PCCA: variants seen among roughly 807,000 people sequenced by gnomAD.
PCCA encodes the protein propionyl-CoA carboxylase alpha chain, mitochondrial.
A neutral mutation model predicts 101.3 loss-of-function variants in PCCA; 74 were observed. The observed-to-expected ratio is 0.73, with a 90% confidence interval of 0.61 to 0.89. The LOEUF is 0.89. PCCA is among the 40% of genes least tolerant of loss of function. The pLI, the probability that PCCA is intolerant of heterozygous loss-of-function variation, is 0.00. For synonymous variants in PCCA, 294 were observed against 313.6 expected (o/e 0.94, Z 0.66); for missense variants, 891 against 907.0 (o/e 0.98, Z 0.23).
chr13:100,203,341 G>T (rs1309649087), intron 6 of PCCA, among the ~76,000 whole-genome samples: 1 of 151,548 alleles, frequency 6.6e-6, no homozygotes, highest in Non-Finnish European at 1.5e-5. Flanking sequence ...TTTCTCCTGT[G>T]CTTTCCTGCC....
chr13:100,257,782 C>T, intron 9 of PCCA, 109 bp downstream of exon 9: 2 of 764,054 alleles, frequency 2.6e-6, no homozygotes, highest in Non-Finnish European at 4.6e-6. Context: ...TTACAGTAAC[C>T]ATCTAATTTT....
intron 8 of PCCA, among the ~76,000 whole-genome samples, chr13:100,252,424 C>T (rs1250766201): frequency 6.6e-6 from 1 of 152,060 alleles, no homozygotes; most frequent in African/African-American, 2.4e-5. Context: ...TTTCTTTTCC[C>T]TTCTTTTTAT....
intron 6 of PCCA, among the ~76,000 whole-genome samples, chr13:100,203,203 G>A (rs1436272812): frequency 2.0e-5 from 3 of 151,082 alleles, no homozygotes; most frequent in East Asian, 2.0e-4. Flanking sequence ...GAACCTGGGA[G>A]GTGGAGGTTG....
chr13:100,191,195 G>A (rs1416271575), intron 6 of PCCA, among the ~76,000 whole-genome samples: 1 of 152,234 alleles, frequency 6.6e-6, no homozygotes, highest in Non-Finnish European at 1.5e-5. Context: ...CAATGATAAA[G>A]TCAGTAAACT....
intron 19 of PCCA, among the ~76,000 whole-genome samples, chr13:100,402,534 A>G (rs1428363158): frequency 1.3e-5 from 2 of 152,220 alleles, no homozygotes; most frequent in Non-Finnish European, 2.9e-5. Context: ...TGAGTTCTTC[A>G]TGAGGGCCAT....
intron 4 of PCCA, among the ~76,000 whole-genome samples, chr13:100,116,147 A>T (rs1228107294): frequency 6.6e-6 from 1 of 152,210 alleles, no homozygotes; most frequent in African/African-American, 2.4e-5. Flanking sequence ...TCAGCTTTAT[A>T]ATATCAGTAA....
intron 21 of PCCA, among the ~76,000 whole-genome samples, chr13:100,450,484 A>T (rs1444959980): frequency 6.6e-6 from 1 of 152,154 alleles, no homozygotes; most frequent in Non-Finnish European, 1.5e-5. Context: ...TTCACCAGAT[A>T]TCATTTCTAA....
chr13:100,309,383 C>T (rs758823792), intron 15 of PCCA, among the ~76,000 whole-genome samples: 20 of 151,988 alleles, frequency 1.3e-4, no homozygotes, highest in East Asian at 3.9e-4. Context: ...GGCAATAGAG[C>T]GAGACTCCAT....
At chr13:100,257,547 C>A in intron 8 of PCCA, 48 bp from the exon 9 acceptor site, 1 of 1,248,276 alleles carries the variant, frequency 8.0e-7, no homozygotes, top group Non-Finnish European at 1.2e-6. Flanking sequence ...GTTCATACAT[C>A]CCAATGATCA....
At chr13:100,162,096 G>A (rs1049314860) in intron 6 of PCCA, among the ~76,000 whole-genome samples, 8 of 151,704 alleles carry the variant, frequency 5.3e-5, no homozygotes, top group African/African-American at 7.3e-5. Flanking sequence ...GTGTGTGTGT[G>A]TGTGTGTGTG....
intron 8 of PCCA, among the ~76,000 whole-genome samples, chr13:100,246,687 A>G (rs2152539573): frequency 6.6e-6 from 1 of 152,174 alleles, no homozygotes; most frequent in Admixed American, 6.5e-5. Context: ...TTGATTTCTA[A>G]CTTAATTGCT....
At chr13:100,103,067 T>G (rs1409324341) in intron 2 of PCCA, 107 bp downstream of exon 2, 2 of 750,218 alleles carry the variant, frequency 2.7e-6, no homozygotes, top group African/African-American at 3.4e-5. Flanking sequence ...GTTAAGGCTG[T>G]GTGGTCATTG....
intron 7 of PCCA, among the ~76,000 whole-genome samples, chr13:100,209,676 G>T (rs932859957): frequency 6.6e-6 from 1 of 152,172 alleles, no homozygotes; most frequent in Non-Finnish European, 1.5e-5. Context: ...TTGTCGCCCA[G>T]GCTGGAGTGC....
In PCCA at chr13:100,237,935, C is replaced by T. The variant is rs868800016; in HGVS notation, c.637+2057C>T. The stretch of plus-strand genomic sequence containing the variant: ...TTTCTTCCACTTTCTTTCTTTCTTT[C>T]TTTCTTTTTTTTTTTTTTTGAGACA... On this transcript the variant is annotated intron_variant, in intron 8 of 23. Coordinates refer to ENST00000376285, the MANE Select transcript of PCCA (RefSeq NM_000282.4). Among the ~76,000 whole-genome samples, 175 of 131,064 alleles carry T rather than the reference C, an allele frequency of 1.3e-3. 1 individual carries two copies. Among genetic ancestry groups the T allele is most frequent in the African/African-American group, 5.0e-3 (166 of 33,296 alleles). The allele number at this position is 131,064 out of a possible 152,430, so 86.0% of individuals were successfully genotyped here.
chr13:100,118,938 G>A (rs2049096408), intron 4 of PCCA, among the ~76,000 whole-genome samples: 1 of 151,914 alleles, frequency 6.6e-6, no homozygotes, highest in Admixed American at 6.6e-5. Flanking sequence ...TGATCATTTG[G>A]TTTCATCAGG....
intron 6 of PCCA, among the ~76,000 whole-genome samples, chr13:100,204,514 T>G (rs1412287814): frequency 1.3e-5 from 2 of 152,226 alleles, no homozygotes; most frequent in African/African-American, 4.8e-5. Flanking sequence ...CTAAAATCTA[T>G]ACGCTTTAAA....
intron 15 of PCCA, 89 bp downstream of exon 15, chr13:100,307,349 T>C: frequency 5.7e-6 from 5 of 883,600 alleles, no homozygotes; most frequent in Non-Finnish European, 9.2e-6. Context: ...ATCTGAATCA[T>C]AAGCTATAAT....
At chr13:100,114,566 G>C (rs1577899) in intron 4 of PCCA, among the ~76,000 whole-genome samples, 139,336 of 151,980 alleles carry the variant, frequency 0.92, 63,990 homozygotes, top group East Asian at 0.99. Flanking sequence ...CCACTGCGCT[G>C]TAGCGTGGGC....
At chr13:100,524,412 T>TGTGTGTGTGTGTGTGTGTGTG (rs59438858) in intron 22 of PCCA, among the ~76,000 whole-genome samples, 17 of 148,914 alleles carry the variant, frequency 1.1e-4, no homozygotes, top group South Asian at 6.4e-4. Context: ...TGTGTGTGTG[T>TGTGTGTGTGTGTGTGTGTGTG]TGGGGTAGAA....
Sources: gnomAD v4.1 joint callset for allele counts (sites outside exome capture counted in the v4.1 genomes callset) on GRCh38, gnomAD v4.1.1 for gene constraint, MANE v1.5 for transcripts, NCBI Gene and HGNC (gene_info 2026-07-23, HGNC 2026-07-21) for gene names.